The following LARGE1 variants were observed in gnomAD, a reference collection of about 807,000 sequenced individuals.
LARGE1 encodes xylosyl- and glucuronyltransferase LARGE1.
In LARGE1, 43 loss-of-function variants were observed where a neutral mutation model predicts 87.6. The ratio of observed to expected loss-of-function variants is 0.49; its 90% CI spans 0.38 to 0.63. The LOEUF is 0.63. Among genes scored for constraint, LARGE1 ranks in the 30% least tolerant of loss-of-function variants. The pLI, the probability that LARGE1 is intolerant of heterozygous loss-of-function variation, is 0.00. For missense variants in LARGE1, 802 were observed against 1,000.2 expected (o/e 0.80, Z 2.67); for synonymous variants, 434 against 394.6 (o/e 1.10, Z -1.18).
intron 11 of LARGE1, among the ~76,000 whole-genome samples, chr22:33,175,652 AGAG>A (rs1922824835): frequency 6.6e-6 from 1 of 152,198 alleles, no homozygotes; most frequent in Non-Finnish European, 1.5e-5. Flanking sequence ...ATGAAATAAA[AGAG>A]AACACAAACA....
chr22:33,629,337 C>CTT, intron 3 of LARGE1, among the ~76,000 whole-genome samples: 1 of 152,200 alleles, frequency 6.6e-6, no homozygotes, highest in Non-Finnish European at 1.5e-5. Context: ...AGATATCAAA[C>CTT]TTTGTCTTGG....
At chr22:33,485,218 C>CTTTTTTTTT (rs35927122) in intron 6 of LARGE1, among the ~76,000 whole-genome samples, 13 of 103,196 alleles carry the variant, frequency 1.3e-4, no homozygotes, top group African/African-American at 4.4e-4. Context: ...CGGTCTGAGT[C>CTTTTTTTTT]TTTTTTTTTT....
At chr22:33,227,491 C>T (rs1429720413) in intron 11 of LARGE1, among the ~76,000 whole-genome samples, 1 of 152,166 alleles carries the variant, frequency 6.6e-6, no homozygotes, top group Non-Finnish European at 1.5e-5. Context: ...TTCAAAACAG[C>T]CCTACTAGTT....
Position 33,678,371 on chromosome 22 carries a change from G to T in LARGE1, c.107-27703C>A, listed in dbSNP as rs79993214. Among the ~76,000 whole-genome samples, 644 of 152,254 alleles carry T rather than the reference G, an allele frequency of 4.2e-3. 6 individuals are homozygous for T. The highest frequency in any genetic ancestry group is 0.015 in the African/African-American group (604 of 41,510). ...TTGACCATATATTCTAATATAGGTTGCTAATGGATACCATGAAATATCTAA... is the reference window on the plus strand; with the variant it reads ...TTGACCATATATTCTAATATAGGTTTCTAATGGATACCATGAAATATCTAA... On this transcript the variant is annotated intron_variant, in intron 2 of 14. Coordinates refer to ENST00000397394, the MANE Select transcript of LARGE1 (RefSeq NM_133642.5).
chr22:33,483,312 C>G (rs1287081023), intron 6 of LARGE1, among the ~76,000 whole-genome samples: 4 of 152,102 alleles, frequency 2.6e-5, no homozygotes, highest in Non-Finnish European at 5.9e-5. Flanking sequence ...ATTTTTACTT[C>G]CAGAGCCACT....
intron 11 of LARGE1, among the ~76,000 whole-genome samples, chr22:33,315,873 C>T (rs1434342701): frequency 6.6e-6 from 1 of 152,144 alleles, no homozygotes; most frequent in Non-Finnish European, 1.5e-5. Flanking sequence ...TGTGATCTGC[C>T]TGCCTGGGGC....
At chr22:33,086,060 T>C in the LARGE1 span, among the ~76,000 whole-genome samples, 3 of 152,216 alleles carry the variant, frequency 2.0e-5, no homozygotes, top group African/African-American at 2.4e-5. Flanking sequence ...TTTTAACACC[T>C]GTGCACATGA....
At chr22:33,574,615 T>C (rs2078297800) in intron 5 of LARGE1, among the ~76,000 whole-genome samples, 1 of 151,676 alleles carries the variant, frequency 6.6e-6, no homozygotes, top group South Asian at 2.1e-4. Context: ...GAAAAATGGG[T>C]TGAAAATTGA....
At chr22:33,159,583 A>T (rs1478190971), downstream of LARGE1, among the ~76,000 whole-genome samples, 1 of 143,524 alleles carries the variant, frequency 7.0e-6, no homozygotes, top group Admixed American at 7.0e-5. Context: ...ATCAATTTAA[A>T]TTTTTTTTTT....
At chr22:33,102,761 G>A in the LARGE1 span, among the ~76,000 whole-genome samples, 1 of 152,094 alleles carries the variant, frequency 6.6e-6, no homozygotes, top group Non-Finnish European at 1.5e-5. Context: ...AAAGTGCTGG[G>A]ATTACAGGCG....
intron 2 of LARGE1, among the ~76,000 whole-genome samples, chr22:33,666,061 G>A (rs778015529): frequency 9.9e-5 from 15 of 152,208 alleles, no homozygotes; most frequent in Non-Finnish European, 1.5e-4. Context: ...CTCTTTCCAG[G>A]AAATAAAGGT....
Position 33,870,153 on chromosome 22 carries a change from G to A in LARGE1, c.-83+49842C>T, listed in dbSNP as rs544593403. Among the ~76,000 whole-genome samples the A allele has an allele frequency of 1.1e-4, 16 of 152,286 alleles. No individual in the cohort carries two copies. In the South Asian group the frequency reaches 3.3e-3, roughly 32 times the overall value. ...CTTTATAACATGATGGCCATGTGAT[G>A]AGACACACAGAAAGAGCTCCAGTGA... On this transcript the variant is annotated intron_variant, in intron 1 of 14. Coordinates refer to ENST00000397394, the MANE Select transcript of LARGE1 (RefSeq NM_133642.5).
chr22:33,771,263 C>T, intron 1 of LARGE1, among the ~76,000 whole-genome samples: 1 of 151,926 alleles, frequency 6.6e-6, no homozygotes, highest in East Asian at 1.9e-4. Flanking sequence ...CTCGCCCCTC[C>T]CTTGGCCCTT....
At chr22:33,398,016 G>A (rs1358632312) in intron 7 of LARGE1, among the ~76,000 whole-genome samples, 1 of 151,880 alleles carries the variant, frequency 6.6e-6, no homozygotes, top group Non-Finnish European at 1.5e-5. Context: ...TGGTTTGGAC[G>A]AGTTCTTCAT....
chr22:33,621,993 A>G (rs1330874268), intron 4 of LARGE1, among the ~76,000 whole-genome samples: 5 of 152,140 alleles, frequency 3.3e-5, no homozygotes, highest in African/African-American at 2.4e-5. Context: ...TGAGCTCCCA[A>G]ACTGTCCCAT....
chr22:33,151,677 C>A, the LARGE1 span, among the ~76,000 whole-genome samples: 1 of 152,138 alleles, frequency 6.6e-6, no homozygotes, highest in Non-Finnish European at 1.5e-5. Context: ...TTTTGAATGG[C>A]TTTGTCCATT....
intron 2 of LARGE1, among the ~76,000 whole-genome samples, chr22:33,708,240 G>A (rs1257022842): frequency 6.6e-6 from 1 of 151,892 alleles, no homozygotes; most frequent in African/African-American, 2.4e-5. Flanking sequence ...ATATGGAGCT[G>A]CTATTGGAGG....
the LARGE1 span, among the ~76,000 whole-genome samples, chr22:33,100,366 A>T: frequency 6.6e-6 from 1 of 150,826 alleles, no homozygotes; most frequent in African/African-American, 2.4e-5. Context: ...AAAAAAAAAA[A>T]AAAAAGTAAA....
chr22:33,585,605 G>C (rs1359746338), intron 5 of LARGE1, among the ~76,000 whole-genome samples: 1 of 152,126 alleles, frequency 6.6e-6, no homozygotes, highest in African/African-American at 2.4e-5. Flanking sequence ...TCCACCATGA[G>C]GAGCCCACGA....
Sources: gnomAD v4.1 joint callset for allele counts (sites outside exome capture counted in the v4.1 genomes callset) on GRCh38, gnomAD v4.1.1 for gene constraint, MANE v1.5 for transcripts, NCBI Gene and HGNC (gene_info 2026-07-23, HGNC 2026-07-21) for gene names.